Variants in PTGIS observed in about 807,000 individuals in gnomAD.
PTGIS encodes prostacyclin synthase.
In PTGIS, 45 loss-of-function variants were observed where a neutral mutation model predicts 50.3. That is an observed-to-expected ratio of 0.90 (90% CI 0.70 to 1.15). The LOEUF (loss-of-function observed/expected upper bound fraction) is 1.15, where lower values mean the gene tolerates loss of function less well. PTGIS is among the 50% of genes most tolerant of loss of function. The probability of loss-of-function intolerance (pLI) is 0.00; values close to 1 mark genes in which losing one functional copy is unlikely to be tolerated. For synonymous variants in PTGIS, 260 were observed against 267.7 expected, an observed-to-expected ratio of 0.97 and a Z score of 0.28; for missense variants, 668 against 661.3, an observed-to-expected ratio of 1.01 and a Z score of -0.11.
At chr20:49,509,580 T>C (rs541001329) in intron 9 of PTGIS, among the ~76,000 whole-genome samples, 65 of 152,170 alleles carry the variant, frequency 4.3e-4, no homozygotes, top group Non-Finnish European at 6.3e-4. Flanking sequence ...TTTGCTCACG[T>C]GCAATTTCAC....
Position 49,511,143 on chromosome 20 carries a change from A to T in PTGIS, c.1243T>A (p.Ser415Thr). 6.2e-7 allele frequency: 1 copy of T among 1,614,228 alleles called. No homozygotes were observed. Among genetic ancestry groups the T allele is most frequent in the Non-Finnish European group, 8.5e-7 (1 of 1,180,044 alleles). ...TCCTTGTAAAAGTCTTTCTTCTCTGATCCGTCAGGGTTCAGGAATCGGTTG... is the reference window on the plus strand; with the variant it reads ...TCCTTGTAAAAGTCTTTCTTCTCTGTTCCGTCAGGGTTCAGGAATCGGTTG... ...KYNRFLNPDGSEKKDFYKDGK... is the reference protein window; with the variant it reads ...KYNRFLNPDGTEKKDFYKDGK... The change falls in exon 9 of 10, where the codon TCA becomes ACA. Residue 415 changes from serine (S) to threonine (T), a missense_variant. Transcript: ENST00000244043.
chr20:49,524,486 C>G (rs1414660008), intron 5 of PTGIS, among the ~76,000 whole-genome samples: 1 of 152,140 alleles, frequency 6.6e-6, no homozygotes, highest in East Asian at 1.9e-4. Context: ...CAGGTGGGAG[C>G]CTGATCTATT....
intron 8 of PTGIS, among the ~76,000 whole-genome samples, chr20:49,512,829 G>GGA (rs1981360481): frequency 6.6e-6 from 1 of 152,100 alleles, no homozygotes. Flanking sequence ...AGAAGGCTGG[G>GGA]GAGAGAGTGG....
intron 3 of PTGIS, among the ~76,000 whole-genome samples, chr20:49,545,598 T>C (rs6019891): frequency 0.12 from 17,656 of 151,898 alleles, 3,267 homozygotes; most frequent in African/African-American, 0.39. Flanking sequence ...CTCCATGATA[T>C]GGAGTCTACA....
intron 4 of PTGIS, among the ~76,000 whole-genome samples, chr20:49,543,304 CT>C (rs1982277564): frequency 6.6e-6 from 1 of 152,154 alleles, no homozygotes; most frequent in Non-Finnish European, 1.5e-5. Context: ...TTGGTGACAC[CT>C]GGCAGCCTCC....
intron 1 of PTGIS, among the ~76,000 whole-genome samples, chr20:49,562,710 G>A (rs552138730): frequency 2.6e-4 from 39 of 152,276 alleles, no homozygotes; most frequent in Middle Eastern, 3.4e-3. Context: ...TCTGATTTCC[G>A]ACTGGAGCCC....
intron 1 of PTGIS, among the ~76,000 whole-genome samples, chr20:49,560,198 A>C (rs1982731785): frequency 6.6e-6 from 1 of 152,218 alleles, no homozygotes; most frequent in African/African-American, 2.4e-5. Flanking sequence ...CTGGGATTAC[A>C]GGCGTGAGCC....
At chr20:49,558,770 A>T (rs1034933173) in intron 1 of PTGIS, among the ~76,000 whole-genome samples, 2 of 150,770 alleles carry the variant, frequency 1.3e-5, no homozygotes, top group African/African-American at 4.9e-5. Flanking sequence ...CTGGAGTGCA[A>T]TGGCGCGATC....
At chr20:49,554,631 A>C (rs1982581631) in intron 1 of PTGIS, among the ~76,000 whole-genome samples, 1 of 152,138 alleles carries the variant, frequency 6.6e-6, no homozygotes, top group Non-Finnish European at 1.5e-5. Context: ...AGGCCCAGGG[A>C]CTATCATGGA....
chr20:49,519,914 C>T (rs189779517), intron 6 of PTGIS, among the ~76,000 whole-genome samples: 1 of 143,568 alleles, frequency 7.0e-6, no homozygotes, highest in Non-Finnish European at 1.5e-5. Context: ...GCAGCACCCT[C>T]TCTTGTCTGG....
intron 1 of PTGIS, among the ~76,000 whole-genome samples, chr20:49,560,695 A>C (rs1568687227): frequency 2.0e-5 from 3 of 152,194 alleles, no homozygotes; most frequent in Non-Finnish European, 4.4e-5. Flanking sequence ...AGAGTGTTAC[A>C]GGCAGAGGCA....
At chr20:49,566,826 A>C (rs1234091893) in intron 1 of PTGIS, among the ~76,000 whole-genome samples, 1 of 152,222 alleles carries the variant, frequency 6.6e-6, no homozygotes, top group Non-Finnish European at 1.5e-5. Context: ...ACAAAAGAGG[A>C]CAGTAATGGG....
At position 49,528,636 on chromosome 20, in the gene PTGIS, A is replaced by AT. The variant is rs1486177377; in HGVS notation, c.674-4398_674-4397insA. On this transcript the variant is annotated intron_variant, in intron 5 of 9. Coordinates refer to ENST00000244043, the MANE Select transcript of PTGIS (RefSeq NM_000961.4). ...AAGACTCTGTCTCAAAAACAAAAAAAATATATATATAGCAGTGATTGGATC... is the reference window on the plus strand; with the variant it reads ...AAGACTCTGTCTCAAAAACAAAAAAATATATATATATAGCAGTGATTGGATC... 8.9e-4 allele frequency among the ~76,000 whole-genome samples: 136 copies of AT among 152,146 alleles called. 1 individual carries two copies. The highest frequency in any genetic ancestry group is 3.0e-3 in the African/African-American group (125 of 41,516).
intron 6 of PTGIS, among the ~76,000 whole-genome samples, chr20:49,521,709 C>T (rs1393145942): frequency 2.0e-5 from 3 of 152,162 alleles, no homozygotes; most frequent in African/African-American, 7.2e-5. Flanking sequence ...AAATAAGCTG[C>T]AAGTCGATGG....
chr20:49,507,769 C>A lies in PTGIS; in HGVS notation c.*151G>T. ...TTGTTCACCCTCTTAGCTTTTCCCT[C>A]CCCTGGACCCAGCCTTCTGGGAGAA... On this transcript the variant is annotated 3_prime_UTR_variant, in exon 10 of 10. Transcript: ENST00000244043. 9.4e-7 allele frequency: 1 copy of A among 1,069,338 alleles called. No homozygotes were observed. The highest frequency in any genetic ancestry group is 1.4e-5 in the South Asian group (1 of 73,154). 66.2% of individuals were successfully genotyped at this position (1,069,338 alleles called of 1,614,324 possible). A position where few individuals can be genotyped will look rare whatever the true frequency, so the allele number is the denominator to read the frequency against.
Position 49,513,132 on chromosome 20 carries a change from A to T in PTGIS, c.1154T>A (p.Leu385His), listed in dbSNP as rs367709000. ...TCTCTGGGGGCTCAGGAAGGGGAAG[A>T]GGAGGAGGCGGTCACCACGTCGCAG... is the stretch of plus-strand genomic sequence containing the variant. Reference protein sequence around the residue: ...FNLRRGDRLLLFPFLSPQRDP... With the variant: ...FNLRRGDRLLHFPFLSPQRDP... The change falls in exon 8 of 10, where the codon CTC becomes CAC. Residue 385 changes from leucine (L) to histidine (H), a missense_variant. Transcript: ENST00000244043. 6.2e-7 allele frequency: 1 copy of T among 1,614,152 alleles called. No homozygotes were observed. The highest frequency in any genetic ancestry group is 8.5e-7 in the Non-Finnish European group (1 of 1,180,018).
At position 49,564,492 on chromosome 20, in the gene PTGIS, C is replaced by T. The variant is rs182482392; in HGVS notation, c.74+3551G>A. On this transcript the variant is annotated intron_variant, in intron 1 of 9. Transcript: ENST00000244043. ...GGTCTCGATCTCCTGACCTCTTGAT[C>T]GGCCCGCCTCAGCCTCCCAAAGTGC... Among the ~76,000 whole-genome samples, 539 of 152,178 alleles carry T rather than the reference C, an allele frequency of 3.5e-3. 1 individual carries two copies. The highest frequency in any genetic ancestry group is 0.014 in the Middle Eastern group (4 of 294).
chr20:49,515,223 ATG>A (rs770801699), intron 6 of PTGIS, among the ~76,000 whole-genome samples: 23 of 152,238 alleles, frequency 1.5e-4, no homozygotes, highest in Non-Finnish European at 1.6e-4. Context: ...TGAAGAATAA[ATG>A]TGTGTGTGTT....
At chr20:49,550,315 AT>A in intron 1 of PTGIS, 126 bp from the exon 2 acceptor site, 1 of 1,247,260 alleles carries the variant, frequency 8.0e-7, no homozygotes, top group Non-Finnish European at 1.2e-6. Flanking sequence ...CTCGGGGACT[AT>A]TGCCTCACCT....
Sources: allele counts gnomAD v4.1 joint callset (sites outside exome capture counted in the v4.1 genomes callset), GRCh38; gene constraint gnomAD v4.1.1; transcripts MANE v1.5; gene names NCBI Gene and HGNC (gene_info 2026-07-23, HGNC 2026-07-21).